The following TMEM52 variants were observed in gnomAD, a reference collection of about 807,000 sequenced individuals.
TMEM52 encodes transmembrane protein 52.
TMEM52 carries 14 observed loss-of-function variants against 16.2 expected under a neutral mutation model. The ratio of observed to expected loss-of-function variants is 0.87; its 90% CI spans 0.57 to 1.35. TMEM52 has a LOEUF of 1.35. TMEM52 is among the 40% of genes most tolerant of loss of function. The probability of loss-of-function intolerance (pLI) is 0.00; values close to 1 mark genes in which losing one functional copy is unlikely to be tolerated. For missense variants in TMEM52, 309 were observed against 278.6 expected (o/e 1.11, Z -0.78); for synonymous variants, 136 against 124.7 (o/e 1.09, Z -0.60).
chr1:1,919,050 C>G lies in TMEM52; in HGVS notation c.123G>C (p.Ser41=), dbSNP rs1651249717. 3.7e-6 allele frequency: 5 copies of G among 1,339,782 alleles called. No homozygotes were observed. Among genetic ancestry groups the G allele is most frequent in the Middle Eastern group, 2.4e-4 (1 of 4,220 alleles). 83.0% of individuals were successfully genotyped at this position (1,339,782 alleles called of 1,614,324 possible). Residue 41 remains serine, a synonymous_variant, in exon 2 of 5, where the codon TCG becomes TCC. Transcript: ENST00000310991. ...LGFADGSCDP[S]DQCPPQARWS... ...CTCCCTCCCCCCCGACTTACTGGTC[C>G]GAGGGGTCGCAGCTGCCGTCCGCGA...
rs1651248985 is a variant in TMEM52 at position 1,919,040 on chromosome 1, C to T, written c.128+5G>A. ...CAGGCCCCGGCTCCCTCCCCCCCGA[C>T]TTACTGGTCCGAGGGGTCGCAGCTG... On this transcript the variant is annotated splice_donor_5th_base_variant and intron_variant, in intron 2 of 4. Transcript: ENST00000310991. The T allele has an allele frequency of 3.0e-6, 4 of 1,338,764 alleles. No individual in the cohort carries two copies. The highest frequency in any genetic ancestry group is 3.8e-6 in the Non-Finnish European group (4 of 1,049,256). 82.9% of individuals were successfully genotyped at this position (1,338,764 alleles called of 1,614,324 possible).
rs374368386 is a variant in TMEM52, at chr1:1,918,234, C to T, written c.349+19G>A. The T allele has an allele frequency of 4.9e-5, 78 of 1,608,048 alleles. No homozygotes were observed. Among genetic ancestry groups the T allele is most frequent in the African/African-American group, 6.7e-5 (5 of 74,938 alleles). ...CCCCGCCATCTCCACCCTCAACTGG[C>T]GGGCCCCTAGGCACTCACAGGTCAC... On this transcript the variant is annotated intron_variant, in intron 4 of 4. Coordinates refer to ENST00000310991, the MANE Select transcript of TMEM52 (RefSeq NM_178545.4).
intron 3 of TMEM52, chr1:1,918,651 C>G: frequency 1.4e-6 from 1 of 694,058 alleles, no homozygotes; most frequent in East Asian, 2.7e-5. Context: ...TGGGCTCACT[C>G]CCAGGACTCG....
At chr1:1,918,500 G>A (rs1651228865) in intron 3 of TMEM52, 69 bp from the exon 4 acceptor site, 4 of 1,311,456 alleles carry the variant, frequency 3.1e-6, no homozygotes, top group Middle Eastern at 1.8e-4. Context: ...GGGGAATGTC[G>A]TGGCACAACC....
chr1:1,918,698 G>A (rs1341559015), intron 3 of TMEM52, 195 bp downstream of exon 3: 1 of 713,110 alleles, frequency 1.4e-6, no homozygotes, highest in Non-Finnish European at 2.3e-6. Context: ...GAGCGGGATC[G>A]TAGGGGACTC....
At chr1:1,918,632 G>A (rs919020449) in intron 3 of TMEM52, 2 of 712,686 alleles carry the variant, frequency 2.8e-6, no homozygotes, top group East Asian at 2.7e-5. Flanking sequence ...GGCTGGCCAG[G>A]GGTGGCCTTG....
In TMEM52 at chr1:1,917,893, C is replaced by T. The variant is rs1651196269; in HGVS notation, c.619G>A (p.Gly207Ser). The change falls in exon 5 of 5, where the codon GGT becomes AGT. Residue 207 changes from glycine to serine, a missense_variant. By Grantham distance (56) the Gly-to-Ser change is moderately conservative (BLOSUM62 0). Transcript: ENST00000310991. ...TTCTCCTACCTCCTTCAAGGGGCAC[C>T]AGGGCTACAAGGTGGTAGTTGAGTA... ...PNTQLPPCSP[G>S]AP 6.2e-7 allele frequency: 1 copy of T among 1,612,924 alleles called. No individual in the cohort carries two copies. Among genetic ancestry groups the T allele is most frequent in the Admixed American group, 1.7e-5 (1 of 59,950 alleles).
intron 2 of TMEM52, 28 bp from the exon 3 acceptor site, chr1:1,918,962 G>T: frequency 7.4e-7 from 1 of 1,357,950 alleles, no homozygotes; most frequent in Non-Finnish European, 9.4e-7. Flanking sequence ...CCTGGAGCAG[G>T]CGGGGCATGG....
chr1:1,918,779 G>A (rs972901736), intron 3 of TMEM52, 114 bp downstream of exon 3: 6 of 1,272,544 alleles, frequency 4.7e-6, no homozygotes, highest in Non-Finnish European at 6.3e-6. Context: ...GCCAGCGGCC[G>A]GGACTGGGCG....
In TMEM52 at chr1:1,918,353, C is replaced by T. The variant is rs147368333; in HGVS notation, c.249G>A (p.Lys83=). Residue 83 remains lysine (K), a synonymous_variant, in exon 4 of 5, where the codon AAG becomes AAA. Transcript: ENST00000310991. ...AGCVRFCCLR[K]QAQAQPHLPP... The stretch of plus-strand genomic sequence containing the variant: ...GCAGATGTGGCTGGGCCTGTGCCTG[C>T]TTCCGGAGGCAGCAGAACCGGACAC... 2.5e-5 allele frequency: 40 copies of T among 1,612,702 alleles called. No individual in the cohort carries two copies. The highest frequency in any genetic ancestry group is 3.2e-5 in the Non-Finnish European group (38 of 1,179,990).
At chr1:1,918,732 T>A in intron 3 of TMEM52, 161 bp downstream of exon 3, 1 of 828,712 alleles carries the variant, frequency 1.2e-6, no homozygotes, top group Admixed American at 2.9e-5. Context: ...GCGGGAGAGG[T>A]GGGAGGGAAG....
At chr1:1,918,658 C>T (rs943308011) in intron 3 of TMEM52, 1 of 685,388 alleles carries the variant, frequency 1.5e-6, no homozygotes, top group South Asian at 1.8e-5. Flanking sequence ...ACTCCCAGGA[C>T]TCGCTGTCCT....
chr1:1,918,132 ATGCCCAGTGGG>A lies in TMEM52; in HGVS notation c.369_379del (p.Pro124AlafsTer32). On this transcript the variant is annotated frameshift_variant, in exon 5 of 5. Transcript: ENST00000310991. LOFTEE classifies it low-confidence loss of function (END_TRUNC). ...CTCCCCAAAGGGCAGGGGCAACCGC[ATGCCCAGTGGG>A]TACTGCACGGAGCTGTAGGCTGCAG... 6.2e-7 allele frequency: 1 copy of A among 1,613,322 alleles called. No individual in the cohort carries two copies. Among genetic ancestry groups the A allele is most frequent in the Non-Finnish European group, 8.5e-7 (1 of 1,179,972 alleles).
chr1:1,918,549 C>T (rs1443084024), intron 3 of TMEM52, 118 bp from the exon 4 acceptor site: 2 of 962,340 alleles, frequency 2.1e-6, no homozygotes, highest in East Asian at 2.6e-5. Flanking sequence ...CAGACAATGT[C>T]TCTCCATGTC....
In TMEM52 at chr1:1,917,633, A is replaced by T. The variant is rs566938840; in HGVS notation, c.*249T>A. On this transcript the variant is annotated 3_prime_UTR_variant, in exon 5 of 5. Coordinates refer to ENST00000310991, the MANE Select transcript of TMEM52 (RefSeq NM_178545.4). ...TTATTCTCTCTCCAAGAAGATGCAG[A>T]CGTCACAGGTGGCCCTGAGCTCCCA... 8.9e-5 allele frequency: 52 copies of T among 582,290 alleles called. No individual in the cohort carries two copies. The highest frequency in any genetic ancestry group is 8.4e-4 in the African/African-American group (45 of 53,758). 36.1% of individuals were successfully genotyped at this position (582,290 alleles called of 1,614,324 possible). A position where few individuals can be genotyped will look rare whatever the true frequency, so the allele number is the denominator to read the frequency against.
In TMEM52 at chr1:1,919,189, AGCG is replaced by A; in HGVS notation, c.74_76del (p.Pro25del). On this transcript the variant is annotated inframe_deletion, in exon 1 of 5. Transcript: ENST00000310991. ...GAACGCCGCCCGACCCACCTGCGGC[AGCG>A]GCAGGAGCGGCAGGAGCGGCAGGAG... The A allele has an allele frequency of 2.5e-6, 1 of 394,234 alleles. No individual in the cohort carries two copies. Among genetic ancestry groups the A allele is most frequent in the Non-Finnish European group, 3.8e-6 (1 of 266,390 alleles). The allele number at this position is 394,234 out of a possible 1,614,324, so 24.4% of individuals were successfully genotyped here.
At position 1,918,813 on chromosome 1, in the gene TMEM52, TAAGGGCCTG is replaced by T. The variant is rs1651240058; in HGVS notation, c.170+71_170+79del. The T allele has an allele frequency of 2.1e-6, 3 of 1,452,702 alleles. No homozygotes were observed. The Admixed American group carries it at 7.5e-5, about 36-fold the overall frequency. The allele number at this position is 1,452,702 out of a possible 1,614,324, so 90.0% of individuals were successfully genotyped here. A position where few individuals can be genotyped will look rare whatever the true frequency, so the allele number is the denominator to read the frequency against. On this transcript the variant is annotated intron_variant, in intron 3 of 4. Coordinates refer to ENST00000310991, the MANE Select transcript of TMEM52 (RefSeq NM_178545.4). ...CGACAGCGGAGGCGGCCTGGTGAGG[TAAGGGCCTG>T]GCGGGCCTGGCCCCGGTGACCCCCG...
chr1:1,918,072 C>T lies in TMEM52; in HGVS notation c.440G>A (p.Ser147Asn). Residue 147 changes from serine to asparagine, a missense_variant, in exon 5 of 5, where the codon AGC (serine) becomes AAC (asparagine). Ser to Asn is a conservative substitution (Grantham distance 46, BLOSUM62 1). Transcript: ENST00000310991. ...GGGTGGAGGCTCCGGGGTGTACAGG[C>T]TGTAGGCAGGAGGAGCCATGGAGTC... ...DLDSMAPPAY[S>N]LYTPEPPPSY... 2 of 1,613,342 alleles carry T rather than the reference C, an allele frequency of 1.2e-6. No individual in the cohort carries two copies. The highest frequency in any genetic ancestry group is 1.1e-5 in the South Asian group (1 of 91,062).
intron 4 of TMEM52, 21 bp downstream of exon 4, chr1:1,918,232 G>T: frequency 6.2e-7 from 1 of 1,608,516 alleles, no homozygotes; most frequent in Non-Finnish European, 8.5e-7. Flanking sequence ...ACCCTCAACT[G>T]GCGGGCCCCT....
Sources: allele counts gnomAD v4.1 joint callset, GRCh38; gene constraint gnomAD v4.1.1; transcripts MANE v1.5; gene names NCBI Gene and HGNC (gene_info 2026-07-23, HGNC 2026-07-21).